The following SEMA3E variants were observed in gnomAD, a reference collection of about 807,000 sequenced individuals.
SEMA3E encodes the protein semaphorin-3E.
In SEMA3E, 49 loss-of-function variants were observed where a neutral mutation model predicts 93.6. The observed-to-expected ratio is 0.52, with a 90% CI of 0.42 to 0.66. SEMA3E has a LOEUF of 0.66. Ranked by LOEUF, SEMA3E falls within the 30% of genes least tolerant of loss-of-function variation. SEMA3E has a pLI of 0.00. For synonymous variants in SEMA3E, 363 were observed against 330.7 expected, an observed-to-expected ratio of 1.10 and a Z score of -1.06; for missense variants, 906 against 964.8, an observed-to-expected ratio of 0.94 and a Z score of 0.81.
intron 5 of SEMA3E, among the ~76,000 whole-genome samples, chr7:83,414,605 T>C (rs1788505291): frequency 6.6e-6 from 1 of 152,086 alleles, no homozygotes; most frequent in Admixed American, 6.6e-5. Context: ...CTATAAAATG[T>C]CTTATTAGTG....
chr7:83,611,188 A>G (rs1292618183), intron 1 of SEMA3E, among the ~76,000 whole-genome samples: 1 of 149,332 alleles, frequency 6.7e-6, no homozygotes, highest in Non-Finnish European at 1.5e-5. Flanking sequence ...TACCTACTCA[A>G]GGAAATCAGC....
chr7:83,620,416 G>A lies in SEMA3E; in HGVS notation c.115+28012C>T, dbSNP rs184297736. ...GATTTACAGCTGAATGCTACCAGAC[G>A]TACAAAGAGGAGCTGGTACCATTTC... On this transcript the variant is annotated intron_variant, in intron 1 of 16. Coordinates refer to ENST00000643230, the MANE Select transcript of SEMA3E (RefSeq NM_012431.3). Among the ~76,000 whole-genome samples, 12 of 152,136 alleles carry A rather than the reference G, an allele frequency of 7.9e-5. 1 individual carries two copies. Among genetic ancestry groups the A allele is most frequent in the African/African-American group, 2.6e-4 (11 of 41,530 alleles).
intron 1 of SEMA3E, among the ~76,000 whole-genome samples, chr7:83,647,247 A>G (rs1794090806): frequency 6.6e-6 from 1 of 152,152 alleles, no homozygotes; most frequent in African/African-American, 2.4e-5. Context: ...TATAGTCAAC[A>G]TTTACTGAAG....
chr7:83,382,737 T>C (rs911992204), intron 16 of SEMA3E, among the ~76,000 whole-genome samples: 3 of 151,638 alleles, frequency 2.0e-5, no homozygotes, highest in African/African-American at 4.8e-5. Context: ...TCTAGCAAAG[T>C]TGGCTTTCAA....
intron 1 of SEMA3E, among the ~76,000 whole-genome samples, chr7:83,491,217 C>T (rs563863328): frequency 6.6e-6 from 1 of 152,192 alleles, no homozygotes; most frequent in African/African-American, 2.4e-5. Flanking sequence ...CAGCACTGTG[C>T]CCACTCTTAC....
intron 10 of SEMA3E, 87 bp from the exon 11 acceptor site, chr7:83,400,337 T>C: frequency 8.0e-7 from 1 of 1,248,568 alleles, no homozygotes; most frequent in South Asian, 1.2e-5. Context: ...TCAGAAAAAT[T>C]GAAGTTGTCA....
chr7:83,473,387 G>A (rs1352503987), intron 2 of SEMA3E, among the ~76,000 whole-genome samples: 4 of 152,130 alleles, frequency 2.6e-5, no homozygotes, highest in Non-Finnish European at 5.9e-5. Flanking sequence ...GTCTACAGCA[G>A]TTTGTTTGTT....
At chr7:83,597,040 C>T (rs187118124) in intron 1 of SEMA3E, among the ~76,000 whole-genome samples, 2 of 152,072 alleles carry the variant, frequency 1.3e-5, no homozygotes, top group East Asian at 3.9e-4. Context: ...GTTAGACCAA[C>T]GGAACCGGTG....
intron 1 of SEMA3E, among the ~76,000 whole-genome samples, chr7:83,583,468 C>T (rs952780505): frequency 1.3e-5 from 2 of 152,090 alleles, no homozygotes; most frequent in Non-Finnish European, 2.9e-5. Flanking sequence ...CAAGAGCAAA[C>T]ATAGCTGGGG....
intron 9 of SEMA3E, 32 bp from the exon 10 acceptor site, chr7:83,402,808 T>C: frequency 6.3e-7 from 1 of 1,593,474 alleles, no homozygotes; most frequent in East Asian, 2.3e-5. Flanking sequence ...ATTATTCTTC[T>C]GGAACTAACT....
chr7:83,432,488 T>C (rs1402397454), intron 4 of SEMA3E, among the ~76,000 whole-genome samples: 1 of 152,184 alleles, frequency 6.6e-6, no homozygotes, highest in Non-Finnish European at 1.5e-5. Context: ...TGGTATAACC[T>C]GTGGAAAATA....
chr7:83,405,592 T>G, intron 8 of SEMA3E, 73 bp from the exon 9 acceptor site: 1 of 1,210,300 alleles, frequency 8.3e-7, no homozygotes, highest in Admixed American at 1.7e-5. Flanking sequence ...TTTATTCACC[T>G]AAATTTGTTT....
intron 4 of SEMA3E, among the ~76,000 whole-genome samples, chr7:83,428,134 AT>A (rs1788810038): frequency 6.6e-6 from 1 of 152,220 alleles, no homozygotes; most frequent in Admixed American, 6.5e-5. Context: ...GCCTTGAGGG[AT>A]GCCCTCAGAA....
rs995483623 is a variant in SEMA3E at position 83,570,694 on chromosome 7, G to GA, written c.115+77733dup. ...AATAACTAAAATCAGAGGAGAACTG[G>GA]AAAAAAATGAGATGCAGAAGTCCAT... On this transcript the variant is annotated intron_variant, in intron 1 of 16. Transcript: ENST00000643230. 1.7e-3 allele frequency among the ~76,000 whole-genome samples: 251 copies of GA among 151,274 alleles called. 1 individual carries two copies. Among genetic ancestry groups the GA allele is most frequent in the African/African-American group, 5.3e-3 (217 of 41,250 alleles).
intron 2 of SEMA3E, among the ~76,000 whole-genome samples, chr7:83,485,665 A>G (rs1790235646): frequency 6.6e-6 from 1 of 151,958 alleles, no homozygotes; most frequent in Admixed American, 6.6e-5. Context: ...TATACAGAAT[A>G]TATACTGTAT....
Position 83,603,683 on chromosome 7 carries a change from GAAGA to G in SEMA3E, c.115+44741_115+44744del, listed in dbSNP as rs994589443. 6.4e-4 allele frequency among the ~76,000 whole-genome samples: 98 copies of G among 152,196 alleles called. 2 individuals carry two copies. Among genetic ancestry groups the G allele is most frequent in the African/African-American group, 2.2e-3 (93 of 41,548 alleles). ...GATATAGTTTTATTTAAAGTGTAAA[GAAGA>G]AAGACCAAAAGCTTAAGAACTTTTT... On this transcript the variant is annotated intron_variant, in intron 1 of 16. Transcript: ENST00000643230.
At chr7:83,561,300 A>G (rs372142325) in intron 1 of SEMA3E, among the ~76,000 whole-genome samples, 2 of 152,232 alleles carry the variant, frequency 1.3e-5, no homozygotes, top group African/African-American at 4.8e-5. Context: ...GAGTTTATTC[A>G]AGTAAAAAAT....
chr7:83,629,171 C>T (rs1381115254), intron 1 of SEMA3E, among the ~76,000 whole-genome samples: 3 of 152,192 alleles, frequency 2.0e-5, no homozygotes, highest in Non-Finnish European at 2.9e-5. Context: ...CCTGCTCCTT[C>T]CTCTGGAAGC....
chr7:83,422,507 T>C (rs1439164127), intron 4 of SEMA3E, among the ~76,000 whole-genome samples: 1 of 152,174 alleles, frequency 6.6e-6, no homozygotes, highest in African/African-American at 2.4e-5. Flanking sequence ...AATGACCAAG[T>C]ATATGAATAT....
Sources: gnomAD v4.1 joint callset for allele counts (sites outside exome capture counted in the v4.1 genomes callset) on GRCh38, gnomAD v4.1.1 for gene constraint, MANE v1.5 for transcripts, NCBI Gene and HGNC (gene_info 2026-07-23, HGNC 2026-07-21) for gene names.